CDK14: variants seen among roughly 807,000 people sequenced by gnomAD.
CDK14 encodes cyclin-dependent kinase 14.
A neutral mutation model predicts 60.7 loss-of-function variants in CDK14; 34 were observed. That is an observed-to-expected ratio of 0.56 (90% CI 0.43 to 0.75). The LOEUF is 0.75. CDK14 is among the 30% of genes least tolerant of loss of function. The probability of loss-of-function intolerance (pLI) is 0.00; values close to 1 mark genes in which losing one functional copy is unlikely to be tolerated. For synonymous variants in CDK14, 197 were observed against 203.7 expected (o/e 0.97, Z 0.28); for missense variants, 482 against 564.1 (o/e 0.85, Z 1.47).
At chr7:90,949,565 A>G (rs537398990) in intron 8 of CDK14, among the ~76,000 whole-genome samples, 6 of 152,200 alleles carry the variant, frequency 3.9e-5, no homozygotes, top group Non-Finnish European at 8.8e-5. Flanking sequence ...GGCATAATTT[A>G]TTGAACTTAA....
intron 2 of CDK14, among the ~76,000 whole-genome samples, chr7:90,609,160 G>A (rs1799484082): frequency 6.6e-6 from 1 of 152,044 alleles, no homozygotes; most frequent in African/African-American, 2.4e-5. Context: ...CTAAGTAGCT[G>A]GGACCACAGG....
intron 2 of CDK14, chr7:90,692,647 C>A: frequency 1.0e-6 from 1 of 975,228 alleles, no homozygotes; most frequent in Non-Finnish European, 1.2e-6. Flanking sequence ...GCTGGCGGGC[C>A]ATGATGGGGT....
intron 5 of CDK14, among the ~76,000 whole-genome samples, chr7:90,817,847 T>C (rs1789406094): frequency 6.6e-6 from 1 of 152,196 alleles, no homozygotes; most frequent in African/African-American, 2.4e-5. Flanking sequence ...GTAGCTCTTC[T>C]CCTCTGCCTG....
chr7:90,655,765 A>C (rs1326616044), intron 2 of CDK14, among the ~76,000 whole-genome samples: 3 of 152,120 alleles, frequency 2.0e-5, no homozygotes, highest in Non-Finnish European at 4.4e-5. Context: ...TTCTTTCAAG[A>C]CTTCCTGTGG....
At chr7:90,914,775 A>C (rs1793019321) in intron 7 of CDK14, among the ~76,000 whole-genome samples, 1 of 152,166 alleles carries the variant, frequency 6.6e-6, no homozygotes, top group Admixed American at 6.5e-5. Flanking sequence ...CTTTGGAACT[A>C]CTTGATTTAC....
intron 12 of CDK14, among the ~76,000 whole-genome samples, chr7:91,088,569 ATGTGTGTGTG>A (rs35277214): frequency 6.7e-6 from 1 of 149,504 alleles, no homozygotes; most frequent in African/African-American, 2.5e-5. Flanking sequence ...GTTTATATAT[ATGTGTGTGTG>A]TGTGTGTGTG....
chr7:90,730,109 G>T (rs1184407362), intron 3 of CDK14, among the ~76,000 whole-genome samples: 1 of 152,058 alleles, frequency 6.6e-6, no homozygotes, highest in Non-Finnish European at 1.5e-5. Flanking sequence ...TGTGGTGTTT[G>T]GTTTTCTGTT....
At chr7:90,622,821 C>A (rs1184639497) in intron 2 of CDK14, among the ~76,000 whole-genome samples, 1 of 151,654 alleles carries the variant, frequency 6.6e-6, no homozygotes, top group Non-Finnish European at 1.5e-5. Context: ...TAAGGAAATT[C>A]TTTCTTTACT....
intron 8 of CDK14, among the ~76,000 whole-genome samples, chr7:90,942,590 C>A (rs934864619): frequency 5.9e-5 from 9 of 152,136 alleles, no homozygotes; most frequent in Admixed American, 5.9e-4. Context: ...TCAGCACACA[C>A]CCTTTCTTCA....
chr7:90,729,360 TTTTTTTTTTTTC>T (rs1485039073), intron 3 of CDK14, among the ~76,000 whole-genome samples: 1,878 of 135,270 alleles, frequency 0.014, 69 homozygotes, highest in African/African-American at 0.049. Context: ...TTTTTTTTTT[TTTTTTTTTTTTC>T]CCCACTCATC....
chr7:90,956,292 G>T (rs1794407901), intron 9 of CDK14, among the ~76,000 whole-genome samples: 4 of 152,116 alleles, frequency 2.6e-5, no homozygotes, highest in African/African-American at 9.7e-5. Context: ...GAAATAAAAT[G>T]ACTACTTTTA....
At chr7:91,191,060 A>G (rs146525396) in intron 14 of CDK14, among the ~76,000 whole-genome samples, 2 of 152,288 alleles carry the variant, frequency 1.3e-5, no homozygotes, top group East Asian at 3.9e-4. Flanking sequence ...TGGCCCCTGT[A>G]CATCATCAGA....
chr7:90,612,229 A>C (rs1799554488), intron 2 of CDK14, among the ~76,000 whole-genome samples: 1 of 152,098 alleles, frequency 6.6e-6, no homozygotes, highest in Non-Finnish European at 1.5e-5. Context: ...TTAGTTCAAT[A>C]AACTCTTCAT....
intron 5 of CDK14, among the ~76,000 whole-genome samples, chr7:90,811,749 A>G (rs1789127072): frequency 6.6e-6 from 1 of 152,092 alleles, no homozygotes; most frequent in South Asian, 2.1e-4. Flanking sequence ...AGAATCTACA[A>G]TGAACTCAAA....
At chr7:90,742,370 C>A (rs1803381236) in intron 3 of CDK14, among the ~76,000 whole-genome samples, 1 of 151,828 alleles carries the variant, frequency 6.6e-6, no homozygotes, top group African/African-American at 2.4e-5. Context: ...TAAAGCTGTT[C>A]ATAGTGTTCC....
Position 90,882,977 on chromosome 7 carries a change from G to A in CDK14, c.640-16314G>A, listed in dbSNP as rs886560801. 1.9e-4 allele frequency among the ~76,000 whole-genome samples: 29 copies of A among 152,060 alleles called. No individual in the cohort carries two copies. The East Asian group carries it at 2.1e-3, about 11-fold the overall frequency. On this transcript the variant is annotated intron_variant, in intron 6 of 14. Coordinates refer to ENST00000380050, the MANE Select transcript of CDK14 (RefSeq NM_001287135.2). ...GGGAAGTTTATAGCACTGAATGCTC[G>A]CATCAGAAAGCTAGAAAAATTTCAA...
intron 2 of CDK14, among the ~76,000 whole-genome samples, chr7:90,673,326 G>A (rs1467799514): frequency 6.6e-6 from 1 of 152,150 alleles, no homozygotes; most frequent in Non-Finnish European, 1.5e-5. Context: ...GGAAAGAAGA[G>A]GGAGTGATGC....
intron 6 of CDK14, among the ~76,000 whole-genome samples, chr7:90,885,906 T>C (rs910248198): frequency 1.3e-5 from 2 of 151,812 alleles, no homozygotes; most frequent in African/African-American, 2.4e-5. Context: ...CCAGGGCCTG[T>C]TGGGGTGGAG....
chr7:90,805,644 A>G (rs2117019300), intron 5 of CDK14, among the ~76,000 whole-genome samples: 1 of 152,264 alleles, frequency 6.6e-6, no homozygotes, highest in African/African-American at 2.4e-5. Flanking sequence ...GATTAAAATA[A>G]ATAAAAAGAT....
Sources: gnomAD v4.1 joint callset for allele counts (sites outside exome capture counted in the v4.1 genomes callset) on GRCh38, gnomAD v4.1.1 for gene constraint, MANE v1.5 for transcripts, NCBI Gene and HGNC (gene_info 2026-07-23, HGNC 2026-07-21) for gene names.